FERMT2: variants seen among roughly 807,000 people sequenced by gnomAD.
FERMT2 encodes the protein FERM domain containing kindlin 2.
FERMT2 carries 15 observed loss-of-function variants against 82.7 expected under a neutral mutation model. That is an observed-to-expected ratio of 0.18 (90% CI 0.12 to 0.28). The LOEUF (loss-of-function observed/expected upper bound fraction) is 0.28, where lower values mean the gene tolerates loss of function less well. FERMT2 is among the 10% of genes least tolerant of loss of function. The pLI is 1.00. For synonymous variants in FERMT2, 274 were observed against 271.5 expected (o/e 1.01, Z -0.09); for missense variants, 645 against 809.4 (o/e 0.80, Z 2.46).
At chr14:52,918,102 T>C (rs150641270) in intron 3 of FERMT2, among the ~76,000 whole-genome samples, 88 of 152,340 alleles carry the variant, frequency 5.8e-4, no homozygotes, top group Admixed American at 2.4e-3. Context: ...AACTGATCAT[T>C]AACAGGGAAA....
chr14:52,881,175 G>T, intron 5 of FERMT2, 37 bp from the exon 6 acceptor site: 1 of 1,590,714 alleles, frequency 6.3e-7, no homozygotes, highest in Non-Finnish European at 8.6e-7. Context: ...AAACAACACA[G>T]AATGAAGACA....
intron 10 of FERMT2, among the ~76,000 whole-genome samples, chr14:52,865,376 A>C (rs1365039910): frequency 6.6e-6 from 1 of 152,226 alleles, no homozygotes; most frequent in Admixed American, 6.5e-5. Context: ...TTACTGAACT[A>C]GGTGTTAGAT....
intron 3 of FERMT2, among the ~76,000 whole-genome samples, chr14:52,907,741 T>C (rs1888098989): frequency 6.6e-6 from 1 of 151,048 alleles, no homozygotes; most frequent in Non-Finnish European, 1.5e-5. Context: ...AATTCACAAG[T>C]GGAGATGAAT....
intron 2 of FERMT2, among the ~76,000 whole-genome samples, chr14:52,927,153 G>A (rs1889319202): frequency 6.6e-6 from 1 of 152,024 alleles, no homozygotes; most frequent in Admixed American, 6.5e-5. Flanking sequence ...ATAAACATCT[G>A]TGTATTCTAA....
chr14:52,896,932 T>C (rs923639735), intron 3 of FERMT2, among the ~76,000 whole-genome samples: 1 of 151,140 alleles, frequency 6.6e-6, no homozygotes, highest in Admixed American at 6.6e-5. Context: ...GAAGCTGCAG[T>C]GAGCCGTGAC....
intron 3 of FERMT2, among the ~76,000 whole-genome samples, chr14:52,894,322 C>T (rs528541072): frequency 1.2e-4 from 19 of 152,164 alleles, no homozygotes; most frequent in Admixed American, 2.6e-4. Context: ...AATTTCAAGA[C>T]TCAATTTTGT....
chr14:52,950,971 G>T lies in FERMT2; in HGVS notation c.-60C>A, dbSNP rs1356612927. The T allele has an allele frequency of 6.4e-6, 1 of 156,798 alleles. No individual in the cohort carries two copies. The highest frequency in any genetic ancestry group is 1.4e-5 in the Non-Finnish European group (1 of 71,604). The allele number at this position is 156,798 out of a possible 1,614,324, so 9.7% of individuals were successfully genotyped here. A position where few individuals can be genotyped will look rare whatever the true frequency, so the allele number is the denominator to read the frequency against. ...GGGACTCGCGCGGCAACAGGCGAGG[G>T]GCTGGAGGCTCGCGGGGCGGCGGTG... On this transcript the variant is annotated 5_prime_UTR_variant, in exon 1 of 15. Transcript: ENST00000341590.
At chr14:52,890,005 T>A (rs970922722) in intron 4 of FERMT2, among the ~76,000 whole-genome samples, 1 of 151,386 alleles carries the variant, frequency 6.6e-6, no homozygotes, top group African/African-American at 2.4e-5. Context: ...GGTGTGCGCC[T>A]ATAGTCTCAG....
intron 2 of FERMT2, among the ~76,000 whole-genome samples, chr14:52,946,660 CAAACA>C (rs1363053291): frequency 2.0e-5 from 3 of 152,126 alleles, no homozygotes; most frequent in East Asian, 1.9e-4. Flanking sequence ...CAAACCAAAC[CAAACA>C]GTACTAAATT....
At position 52,931,590 on chromosome 14, in the gene FERMT2, G is replaced by A. The variant is rs571980016; in HGVS notation, c.158-12234C>T. Among the ~76,000 whole-genome samples, 39 of 152,316 alleles carry A rather than the reference G, an allele frequency of 2.6e-4. 1 individual carries two copies. The highest frequency in any genetic ancestry group is 8.2e-4 in the African/African-American group (34 of 41,576). ...GGTCTCAAGGACACTGATTTCAGATGAGAGAGGACAGCTGGAAGGTGAAGA... is the reference window on the plus strand; with the variant it reads ...GGTCTCAAGGACACTGATTTCAGATAAGAGAGGACAGCTGGAAGGTGAAGA... On this transcript the variant is annotated intron_variant, in intron 2 of 14. Coordinates refer to ENST00000341590, the MANE Select transcript of FERMT2 (RefSeq NM_006832.3).
At chr14:52,938,833 T>C (rs1889964282) in intron 2 of FERMT2, among the ~76,000 whole-genome samples, 1 of 152,142 alleles carries the variant, frequency 6.6e-6, no homozygotes, top group Non-Finnish European at 1.5e-5. Flanking sequence ...CCCTAAGTGC[T>C]GTAAAATTCA....
intron 12 of FERMT2, 132 bp from the exon 13 acceptor site, chr14:52,860,597 T>G: frequency 1.4e-6 from 1 of 738,378 alleles, no homozygotes; most frequent in Non-Finnish European, 2.1e-6. Context: ...AATCAAAATA[T>G]CTGAAGCTAC....
chr14:52,936,115 A>G (rs545229952), intron 2 of FERMT2, among the ~76,000 whole-genome samples: 1 of 152,354 alleles, frequency 6.6e-6, no homozygotes, highest in East Asian at 1.9e-4. Flanking sequence ...AAATTCTAAG[A>G]GAGTAACATC....
At chr14:52,911,515 G>A (rs1311469806) in intron 3 of FERMT2, among the ~76,000 whole-genome samples, 1 of 152,038 alleles carries the variant, frequency 6.6e-6, no homozygotes. Flanking sequence ...GCTGGGCGTG[G>A]TGGCGAGCGC....
At chr14:52,944,806 C>T (rs1162484547) in intron 2 of FERMT2, among the ~76,000 whole-genome samples, 1 of 152,096 alleles carries the variant, frequency 6.6e-6, no homozygotes, top group African/African-American at 2.4e-5. Flanking sequence ...CATAAATGAA[C>T]TTTTTTCATT....
In FERMT2 at chr14:52,860,558, G is replaced by A. The variant is rs138507326; in HGVS notation, c.1603-93C>T. 8.9e-4 allele frequency: 949 copies of A among 1,069,278 alleles called. 3 individuals are homozygous for A. The African/African-American group carries it at 9.9e-3, about 11-fold the overall frequency. 66.2% of individuals were successfully genotyped at this position (1,069,278 alleles called of 1,614,324 possible). A position where few individuals can be genotyped will look rare whatever the true frequency, so the allele number is the denominator to read the frequency against. The stretch of plus-strand genomic sequence containing the variant: ...ATCAAAAGATTGAATTACGCACCCC[G>A]TACCCCAAAATCATATTGTAAGAGT... On this transcript the variant is annotated intron_variant, in intron 12 of 14. Coordinates refer to ENST00000341590, the MANE Select transcript of FERMT2 (RefSeq NM_006832.3).
At chr14:52,924,232 C>T (rs1002826344) in intron 2 of FERMT2, among the ~76,000 whole-genome samples, 2 of 152,132 alleles carry the variant, frequency 1.3e-5, no homozygotes, top group Non-Finnish European at 2.9e-5. Flanking sequence ...CAGGAGGTGG[C>T]ATCAGAGAGC....
intron 3 of FERMT2, among the ~76,000 whole-genome samples, chr14:52,913,912 G>A (rs1310100045): frequency 1.3e-5 from 2 of 152,094 alleles, no homozygotes; most frequent in East Asian, 3.9e-4. Context: ...GTATAAGGAA[G>A]TAAGGTATAA....
chr14:52,860,327 T>G lies in FERMT2; in HGVS notation c.1727+14A>C. ...CAGATTAAGGTTTACACATAGATGC[T>G]TAGAACCACTGACCTTGCAATGAAG... On this transcript the variant is annotated intron_variant, in intron 13 of 14. Transcript: ENST00000341590. The G allele has an allele frequency of 6.2e-7, 1 of 1,613,102 alleles. No homozygotes were observed. The highest frequency in any genetic ancestry group is 8.5e-7 in the Non-Finnish European group (1 of 1,179,614).
Sources: allele counts gnomAD v4.1 joint callset (sites outside exome capture counted in the v4.1 genomes callset), GRCh38; gene constraint gnomAD v4.1.1; transcripts MANE v1.5; gene names NCBI Gene and HGNC (gene_info 2026-07-23, HGNC 2026-07-21).